PRKCH: variants seen among roughly 807,000 people sequenced by gnomAD.
PRKCH encodes the protein protein kinase C eta type.
In PRKCH, 28 loss-of-function variants were observed where a neutral mutation model predicts 82.5. That is an observed-to-expected ratio of 0.34 (90% CI 0.25 to 0.47). PRKCH has a LOEUF of 0.47. Ranked by LOEUF, PRKCH falls within the 20% of genes least tolerant of loss-of-function variation. The pLI is 1.00. For synonymous variants in PRKCH, 322 were observed against 327.4 expected, an observed-to-expected ratio of 0.98 and a Z score of 0.18; for missense variants, 705 against 881.8, an observed-to-expected ratio of 0.80 and a Z score of 2.54.
At chr14:61,193,975 G>A (rs2044425049) in intron 1 of PRKCH, among the ~76,000 whole-genome samples, 1 of 152,062 alleles carries the variant, frequency 6.6e-6, no homozygotes, top group African/African-American at 2.4e-5. Context: ...GGCCCACCAT[G>A]GCTGTCTATT....
At chr14:61,510,679 C>T (rs1431004973) in intron 10 of PRKCH, among the ~76,000 whole-genome samples, 1 of 151,954 alleles carries the variant, frequency 6.6e-6, no homozygotes. Context: ...GACTGGGGAG[C>T]CATCTGTCTA....
chr14:61,316,649 A>G (rs1330551098), upstream of PRKCH, among the ~76,000 whole-genome samples: 2 of 152,240 alleles, frequency 1.3e-5, no homozygotes, highest in African/African-American at 2.4e-5. Flanking sequence ...AAGTTGTTAC[A>G]TAGGAGAAGT....
chr14:61,297,570 T>C (rs1294131620), intron 1 of PRKCH, among the ~76,000 whole-genome samples: 1 of 152,226 alleles, frequency 6.6e-6, no homozygotes, highest in African/African-American at 2.4e-5. Context: ...AGGAGATGCT[T>C]TCAGGATGAA....
rs116423007 is a variant in PRKCH at position 61,401,872 on chromosome 14, T to C, written c.427+10584T>C. Among the ~76,000 whole-genome samples the C allele has an allele frequency of 9.1e-3, 1,381 of 152,344 alleles. 29 individuals carry two copies. Among genetic ancestry groups the C allele is most frequent in the African/African-American group, 0.032 (1,314 of 41,566 alleles). On this transcript the variant is annotated intron_variant, in intron 2 of 13. Transcript: ENST00000332981. Reference sequence around the variant, plus strand: ...TAGCCACTTTTTGCATGGAACACCATTTTTACTTTGAAAGAATGACAGACA... The same window carrying C: ...TAGCCACTTTTTGCATGGAACACCACTTTTACTTTGAAAGAATGACAGACA...
At chr14:61,308,027 T>C (rs2045495604) in intron 1 of PRKCH, among the ~76,000 whole-genome samples, 1 of 152,138 alleles carries the variant, frequency 6.6e-6, no homozygotes, top group South Asian at 2.1e-4. Flanking sequence ...TTTGTAGAGA[T>C]GGGGATCTCA....
rs969974985 is a variant in PRKCH at position 61,280,713 on chromosome 14, G to C, written c.-19+93045G>C. The C allele has an allele frequency of 1.9e-6, 3 of 1,579,126 alleles. No individual in the cohort carries two copies. The stretch of plus-strand genomic sequence containing the variant: ...CGCTGCGCTGGTAGGGGGCGCACTC[G>C]TTGACAGGGTGGCGCAGCGCGCTGG... On this transcript the variant is annotated intron_variant, in intron 1 of 3. Coordinates refer to the PRKCH transcript ENST00000555185. This position sits in a 1 kb window ranked among gnomAD's most constrained non-coding sequence, Gnocchi z 5.0.
chr14:61,504,939 G>A (rs1233854612), intron 10 of PRKCH, among the ~76,000 whole-genome samples: 1 of 151,902 alleles, frequency 6.6e-6, no homozygotes, highest in Admixed American at 6.6e-5. Flanking sequence ...TTTTTGCCTG[G>A]AGATATAATA....
chr14:61,248,807 T>C (rs2044912065), intron 1 of PRKCH, among the ~76,000 whole-genome samples: 2 of 148,268 alleles, frequency 1.3e-5, no homozygotes, highest in Admixed American at 1.4e-4. Context: ...TATGTGTGTG[T>C]GTGTATGTAT....
chr14:61,214,415 A>T (rs981373655), intron 1 of PRKCH, among the ~76,000 whole-genome samples: 1 of 152,092 alleles, frequency 6.6e-6, no homozygotes, highest in African/African-American at 2.4e-5. Context: ...TTGAAGCTGT[A>T]TGAGGACCCT....
chr14:61,202,138 G>T (rs2044486382), intron 1 of PRKCH, among the ~76,000 whole-genome samples: 1 of 152,158 alleles, frequency 6.6e-6, no homozygotes, highest in Non-Finnish European at 1.5e-5. Context: ...TGGAACCACA[G>T]CCCCCCAGGG....
At chr14:61,445,832 C>G (rs1054413599) in intron 4 of PRKCH, 106 bp downstream of exon 4, 8 of 1,213,260 alleles carry the variant, frequency 6.6e-6, no homozygotes, top group South Asian at 1.2e-5. Flanking sequence ...TGATAAATAA[C>G]TCTCTGTAGG....
intron 1 of PRKCH, among the ~76,000 whole-genome samples, chr14:61,244,845 G>A (rs1213983701): frequency 6.6e-6 from 1 of 152,202 alleles, no homozygotes; most frequent in Non-Finnish European, 1.5e-5. Context: ...ACTTGTGAAT[G>A]TTCTATAAAA....
At chr14:61,333,596 T>C (rs190448716) in intron 1 of PRKCH, among the ~76,000 whole-genome samples, 2 of 152,244 alleles carry the variant, frequency 1.3e-5, no homozygotes, top group Admixed American at 1.3e-4. Context: ...TGGTGAAATA[T>C]ACTAGATGAT....
chr14:61,352,388 C>T (rs1394038363), intron 1 of PRKCH, among the ~76,000 whole-genome samples: 2 of 152,074 alleles, frequency 1.3e-5, no homozygotes, highest in Non-Finnish European at 2.9e-5. Flanking sequence ...ATAGGCCGGG[C>T]GTGGTGGCTC....
chr14:61,219,698 A>G (rs1449218393), intron 1 of PRKCH, among the ~76,000 whole-genome samples: 1 of 152,254 alleles, frequency 6.6e-6, no homozygotes, highest in African/African-American at 2.4e-5. Context: ...CATACAAAAC[A>G]TAAAACATTT....
At chr14:61,348,972 A>G (rs764200093) in intron 1 of PRKCH, among the ~76,000 whole-genome samples, 1 of 152,262 alleles carries the variant, frequency 6.6e-6, no homozygotes, top group Non-Finnish European at 1.5e-5. Flanking sequence ...CCTGAATGAC[A>G]CAGAAGTGTT....
chr14:61,236,281 G>A (rs1050254376), intron 1 of PRKCH, among the ~76,000 whole-genome samples: 5 of 152,106 alleles, frequency 3.3e-5, no homozygotes, highest in African/African-American at 1.2e-4. Context: ...TTAAATAGGA[G>A]ATAGGTAAAA....
intron 1 of PRKCH, among the ~76,000 whole-genome samples, chr14:61,330,403 T>C (rs1375845172): frequency 6.6e-6 from 1 of 152,240 alleles, no homozygotes; most frequent in Non-Finnish European, 1.5e-5. Context: ...TTTCCATCTT[T>C]GGAAAGTTTG....
At chr14:61,204,685 C>T (rs2044508438) in intron 1 of PRKCH, among the ~76,000 whole-genome samples, 1 of 149,900 alleles carries the variant, frequency 6.7e-6, no homozygotes, top group Admixed American at 6.7e-5. Flanking sequence ...CACTTGAGCA[C>T]AGGAGGTCAA....
Sources: gnomAD v4.1 joint callset for allele counts (sites outside exome capture counted in the v4.1 genomes callset) on GRCh38, gnomAD v4.1.1 for gene constraint, Gnocchi (gnomAD v3.1) non-coding constraint, MANE v1.5 for transcripts, NCBI Gene and HGNC (gene_info 2026-07-23, HGNC 2026-07-21) for gene names.